Variants in PLAC1 observed in about 807,000 individuals in gnomAD.
The protein encoded by PLAC1 is placenta-specific protein 1.
For missense variants in PLAC1, 136 were observed against 163.2 expected, an observed-to-expected ratio of 0.83 and a Z score of 0.91; for synonymous variants, 68 against 62.1, an observed-to-expected ratio of 1.09 and a Z score of -0.44.
At chrX:134,624,767 G>A (rs746368435) in intron 1 of PLAC1, among the ~76,000 whole-genome samples, 1 of 111,437 alleles carries the variant, frequency 9.0e-6, no homozygotes, top group Admixed American at 9.6e-5. Context: ...GCATTCCCCA[G>A]TGTCAACCCA....
chrX:134,746,635 A>G (rs1223682888), intron 1 of PLAC1, among the ~76,000 whole-genome samples: 4 of 111,832 alleles, frequency 3.6e-5, no homozygotes, highest in African/African-American at 1.3e-4. Context: ...CACGTATCAT[A>G]TATTATAGAT....
intron 2 of PLAC1, among the ~76,000 whole-genome samples, chrX:134,728,099 A>G (rs1351866228): frequency 3.6e-5 from 4 of 112,153 alleles, no homozygotes; most frequent in African/African-American, 1.3e-4. Context: ...AGAAACAGAA[A>G]GAAAAACGAA....
At chrX:134,737,635 G>A (rs1027127163) in intron 1 of PLAC1, among the ~76,000 whole-genome samples, 1 of 112,332 alleles carries the variant, frequency 8.9e-6, no homozygotes, top group Non-Finnish European at 1.9e-5. Context: ...CTAATTGGGA[G>A]CACCACTGAT....
At chrX:134,745,254 G>A (rs1228699815) in intron 1 of PLAC1, among the ~76,000 whole-genome samples, 1 of 111,414 alleles carries the variant, frequency 9.0e-6, no homozygotes, top group Non-Finnish European at 1.9e-5. Flanking sequence ...TAACAATGAG[G>A]AAGCTTTCCT....
chrX:134,587,661 C>T (rs1306675020), intron 2 of PLAC1, among the ~76,000 whole-genome samples: 1 of 111,252 alleles, frequency 9.0e-6, no homozygotes, highest in East Asian at 2.8e-4. Flanking sequence ...TCCCTCAGTT[C>T]TCCAGAACAA....
At chrX:134,631,909 T>C (rs1354049852) in intron 1 of PLAC1, among the ~76,000 whole-genome samples, 7 of 112,173 alleles carry the variant, frequency 6.2e-5, no homozygotes, top group Non-Finnish European at 1.3e-4. Flanking sequence ...CTGATTTAGC[T>C]TTTGGAAAAT....
At chrX:134,744,447 G>A (rs2078724695) in intron 1 of PLAC1, among the ~76,000 whole-genome samples, 1 of 111,448 alleles carries the variant, frequency 9.0e-6, no homozygotes, top group South Asian at 3.8e-4. Context: ...ACATAGCCTT[G>A]GGGACTGACT....
At chrX:134,568,451 G>A (rs2077888822) in intron 2 of PLAC1, among the ~76,000 whole-genome samples, 1 of 112,225 alleles carries the variant, frequency 8.9e-6, no homozygotes, top group Admixed American at 9.4e-5. Flanking sequence ...CACTGGCCTG[G>A]ATGAAATGTT....
At chrX:134,593,803 A>T (rs1193197279) in intron 2 of PLAC1, among the ~76,000 whole-genome samples, 2 of 111,970 alleles carry the variant, frequency 1.8e-5, no homozygotes, top group African/African-American at 6.5e-5. Flanking sequence ...TTTAAAAAAA[A>T]TAGTTTTCTT....
At chrX:134,681,938 A>C (rs1451812919) in intron 2 of PLAC1, among the ~76,000 whole-genome samples, 1 of 111,953 alleles carries the variant, frequency 8.9e-6, no homozygotes, top group African/African-American at 3.3e-5. Flanking sequence ...TTTTGTTTTA[A>C]AATGATGTTG....
chrX:134,657,378 T>C (rs2078397307), intron 1 of PLAC1, among the ~76,000 whole-genome samples: 1 of 112,055 alleles, frequency 8.9e-6, no homozygotes, highest in African/African-American at 3.2e-5. Flanking sequence ...TATATTCTAT[T>C]TGATGCCAAT....
intron 2 of PLAC1, among the ~76,000 whole-genome samples, chrX:134,682,182 C>A (rs1416474846): frequency 8.9e-6 from 1 of 112,287 alleles, no homozygotes; most frequent in Admixed American, 9.4e-5. Context: ...ATGATGGTTG[C>A]GAAATGGTGA....
At chrX:134,693,540 TCA>T (rs765812921) in intron 2 of PLAC1, among the ~76,000 whole-genome samples, 2 of 111,831 alleles carry the variant, frequency 1.8e-5, no homozygotes, top group African/African-American at 6.5e-5. Context: ...CTCAGAGGGT[TCA>T]CTGGGCCAAC....
exon 1 of PLAC1, chrX:134,764,278 C>T (rs946233938): frequency 6.2e-5 from 7 of 112,279 alleles, no homozygotes; most frequent in Non-Finnish European, 1.3e-4. Flanking sequence ...AAGTTTTCCT[C>T]GGGAATGTCT....
chrX:134,599,556 A>G (rs1349381708), intron 2 of PLAC1: 1 of 111,852 alleles, frequency 8.9e-6, no homozygotes, highest in Non-Finnish European at 1.9e-5. Flanking sequence ...TTTCCTTTAT[A>G]AATTACCCAG....
intron 1 of PLAC1, among the ~76,000 whole-genome samples, chrX:134,640,927 C>T (rs751842211): frequency 7.2e-5 from 8 of 111,568 alleles, no homozygotes; most frequent in African/African-American, 1.6e-4. Context: ...GCTTGGGCAA[C>T]GTAGTGAGAC....
intron 1 of PLAC1, among the ~76,000 whole-genome samples, chrX:134,751,267 A>G (rs966382431): frequency 2.5e-4 from 27 of 109,239 alleles, no homozygotes; most frequent in African/African-American, 9.1e-4. Context: ...GTGCAAATGT[A>G]TGTAATTCCC....
At chrX:134,639,136 C>T (rs113638797) in intron 1 of PLAC1, among the ~76,000 whole-genome samples, 1,442 of 111,400 alleles carry the variant, frequency 0.013, 23 homozygotes, top group African/African-American at 0.045. Flanking sequence ...TCCTAGCATC[C>T]CCCAGGTACC....
At chrX:134,650,688 T>C (rs2078357686) in intron 1 of PLAC1, 1 of 113,164 alleles carries the variant, frequency 8.8e-6, no homozygotes. Flanking sequence ...TCCTTGCCTC[T>C]TTTACCACTG....
Sources: allele counts gnomAD v4.1 joint callset (sites outside exome capture counted in the v4.1 genomes callset), GRCh38; gene constraint gnomAD v4.1.1; transcripts MANE v1.5; gene names NCBI Gene and HGNC (gene_info 2026-07-23, HGNC 2026-07-21).